Variants in JAZF1 observed in about 807,000 individuals in gnomAD.
The protein encoded by JAZF1 is JAZF zinc finger 1.
JAZF1 carries 8 observed loss-of-function variants against 26.4 expected under a neutral mutation model. That is an observed-to-expected ratio of 0.30 (90% CI 0.18 to 0.55). JAZF1 has a LOEUF of 0.55. Ranked by LOEUF, JAZF1 falls within the 20% of genes least tolerant of loss-of-function variation. JAZF1 has a pLI of 0.94. For missense variants in JAZF1, 199 were observed against 322.0 expected (o/e 0.62, Z 2.92); for synonymous variants, 126 against 122.3 (o/e 1.03, Z -0.20).
chr7:28,076,334 G>C (rs1784050870), intron 1 of JAZF1, among the ~76,000 whole-genome samples: 1 of 152,152 alleles, frequency 6.6e-6, no homozygotes, highest in East Asian at 1.9e-4. Context: ...GGTTTGAAGG[G>C]AGCATGAACA....
chr7:27,865,678 G>A (rs1783461494), intron 3 of JAZF1, among the ~76,000 whole-genome samples: 1 of 152,110 alleles, frequency 6.6e-6, no homozygotes, highest in Non-Finnish European at 1.5e-5. Flanking sequence ...AGTACAGTGA[G>A]TGCCACCCAC....
chr7:28,110,703 C>T (rs1784648321), intron 1 of JAZF1, among the ~76,000 whole-genome samples: 1 of 152,106 alleles, frequency 6.6e-6, no homozygotes, highest in Non-Finnish European at 1.5e-5. Context: ...ATCCAGGATT[C>T]TCAGGCTGAG....
intron 2 of JAZF1, among the ~76,000 whole-genome samples, chr7:27,971,167 A>C (rs192285879): frequency 6.6e-6 from 1 of 152,360 alleles, no homozygotes; most frequent in Admixed American, 6.5e-5. Flanking sequence ...AAGTCAATGA[A>C]GACTTGACTG....
At chr7:27,993,877 C>T (rs959354536) in intron 1 of JAZF1, among the ~76,000 whole-genome samples, 3 of 152,056 alleles carry the variant, frequency 2.0e-5, no homozygotes, top group African/African-American at 7.2e-5. Flanking sequence ...AAGAAAAGGG[C>T]ACCGTTAGGA....
chr7:28,152,653 T>C, intron 1 of JAZF1, among the ~76,000 whole-genome samples: 1 of 152,128 alleles, frequency 6.6e-6, no homozygotes, highest in Non-Finnish European at 1.5e-5. Context: ...AGATAAAAAT[T>C]AAAAATTCGA....
Position 27,975,977 on chromosome 7 carries a change from CTAAT to C in JAZF1, c.188+15928_188+15931del, listed in dbSNP as rs1355499685. ...AAGTGTTTTGTGTGAGCAATGCAAA[CTAAT>C]TCTGTTGGAGCAAGCCAAAATGTCA... On this transcript the variant is annotated intron_variant, in intron 2 of 4. Transcript: ENST00000283928. 2.6e-5 allele frequency among the ~76,000 whole-genome samples: 4 copies of C among 152,306 alleles called. No homozygotes were observed. The East Asian group carries it at 7.7e-4, about 29-fold the overall frequency.
intron 1 of JAZF1, among the ~76,000 whole-genome samples, chr7:28,168,380 CAAAAAAAAAAA>C (rs11301939): frequency 2.8e-5 from 2 of 71,142 alleles, no homozygotes; most frequent in East Asian, 4.6e-4. Flanking sequence ...GACTCCGTCT[CAAAAAAAAAAA>C]AAAAAAAAAA....
At chr7:28,089,225 T>G (rs531954857) in intron 1 of JAZF1, among the ~76,000 whole-genome samples, 3 of 151,770 alleles carry the variant, frequency 2.0e-5, no homozygotes, top group African/African-American at 7.3e-5. Context: ...AAGAGTGGAG[T>G]CCTTGCCTAT....
At chr7:27,944,104 A>G (rs1326226491) in intron 2 of JAZF1, among the ~76,000 whole-genome samples, 1 of 152,208 alleles carries the variant, frequency 6.6e-6, no homozygotes, top group Non-Finnish European at 1.5e-5. Flanking sequence ...CATGAAAGTT[A>G]TTGCCCCACT....
intron 1 of JAZF1, among the ~76,000 whole-genome samples, chr7:28,080,768 C>G (rs544849377): frequency 1.1e-4 from 16 of 152,246 alleles, no homozygotes; most frequent in African/African-American, 3.6e-4. Context: ...CAGTTCATGG[C>G]ACCACCAATT....
chr7:28,040,364 T>C (rs1196093483), intron 1 of JAZF1, among the ~76,000 whole-genome samples: 1 of 152,058 alleles, frequency 6.6e-6, no homozygotes, highest in Non-Finnish European at 1.5e-5. Context: ...GATGGGAAAA[T>C]AACAAACAAC....
intron 3 of JAZF1, among the ~76,000 whole-genome samples, chr7:27,881,720 C>A (rs932490338): frequency 2.0e-5 from 3 of 152,072 alleles, no homozygotes; most frequent in Admixed American, 1.3e-4. Flanking sequence ...CCTGGATAAC[C>A]CCAGACAGTT....
At chr7:28,014,593 C>T (rs1782852844) in intron 1 of JAZF1, among the ~76,000 whole-genome samples, 1 of 152,190 alleles carries the variant, frequency 6.6e-6, no homozygotes, top group Non-Finnish European at 1.5e-5. Flanking sequence ...ACTTGCTCCT[C>T]CTTGCCTTCC....
Position 28,180,704 on chromosome 7 carries a change from G to A in JAZF1, c.-127C>T. On this transcript the variant is annotated 5_prime_UTR_variant, in exon 1 of 5. Transcript: ENST00000283928. ...GGGGGAGAGAGGCGGGGTGAGGGGA[G>A]CGGCGAGGACGGGACGGAGGGAGAG... 1.6e-6 allele frequency: 1 copy of A among 612,636 alleles called. No individual in the cohort carries two copies. Among genetic ancestry groups the A allele is most frequent in the Non-Finnish European group, 2.9e-6 (1 of 344,270 alleles). The allele number at this position is 612,636 out of a possible 1,614,324, so 38.0% of individuals were successfully genotyped here.
chr7:28,118,310 T>A (rs557800191), intron 1 of JAZF1: 2 of 150,710 alleles, frequency 1.3e-5, no homozygotes, highest in East Asian at 3.9e-4. Context: ...AGGTCAGGAG[T>A]TCAAGACCAG....
intron 2 of JAZF1, among the ~76,000 whole-genome samples, chr7:27,918,934 A>C (rs1352074607): frequency 1.3e-5 from 2 of 152,214 alleles, no homozygotes; most frequent in East Asian, 3.8e-4. Context: ...ATACAGCCTA[A>C]GTTTCATTAA....
At chr7:28,108,357 A>C (rs1323995675) in intron 1 of JAZF1, among the ~76,000 whole-genome samples, 3 of 152,172 alleles carry the variant, frequency 2.0e-5, no homozygotes, top group African/African-American at 7.2e-5. Context: ...TCAAATGAGG[A>C]GCCTCGTCAT....
chr7:27,908,905 T>C (rs13236531), intron 2 of JAZF1, among the ~76,000 whole-genome samples: 36,818 of 152,224 alleles, frequency 0.24, 4,922 homozygotes, highest in Non-Finnish European at 0.3. Context: ...ATTTTGTCTA[T>C]TGACAAGTTT....
intron 3 of JAZF1, among the ~76,000 whole-genome samples, chr7:27,889,268 C>T (rs1394081825): frequency 6.6e-6 from 1 of 151,712 alleles, no homozygotes; most frequent in African/African-American, 2.4e-5. Flanking sequence ...GATCGAAAAT[C>T]ACTGTTTTCA....
Sources: gnomAD v4.1 joint callset for allele counts (sites outside exome capture counted in the v4.1 genomes callset) on GRCh38, gnomAD v4.1.1 for gene constraint, MANE v1.5 for transcripts, NCBI Gene and HGNC (gene_info 2026-07-23, HGNC 2026-07-21) for gene names.